CNTNAP5: variants seen among roughly 807,000 people sequenced by gnomAD.
CNTNAP5 encodes contactin associated protein family member 5, also known as contactin-associated protein-like 5.
A neutral mutation model predicts 150.2 loss-of-function variants in CNTNAP5; 72 were observed. That is an observed-to-expected ratio of 0.48 (90% CI 0.40 to 0.58). The LOEUF is 0.58. Among genes scored for constraint, CNTNAP5 ranks in the 20% least tolerant of loss-of-function variants. The pLI, the probability that CNTNAP5 is intolerant of heterozygous loss-of-function variation, is 0.00. For synonymous variants in CNTNAP5, 672 were observed against 619.8 expected, an observed-to-expected ratio of 1.08 and a Z score of -1.25; for missense variants, 1,636 against 1,626.2, an observed-to-expected ratio of 1.01 and a Z score of -0.10.
At chr2:124,840,204 T>C (rs1007314858) in intron 19 of CNTNAP5, among the ~76,000 whole-genome samples, 1 of 152,078 alleles carries the variant, frequency 6.6e-6, no homozygotes, top group African/African-American at 2.4e-5. Context: ...TATTGGACTT[T>C]ACTGTGTTGA....
chr2:124,786,352 G>GAAGAAAGAAAGAAAGAAAGA (rs1207108942), intron 17 of CNTNAP5, among the ~76,000 whole-genome samples: 9 of 59,218 alleles, frequency 1.5e-4, no homozygotes, highest in East Asian at 5.8e-4. Context: ...AGAAAGAAAG[G>GAAGAAAGAAAGAAAGAAAGA]AAGAAAGAAA....
intron 13 of CNTNAP5, among the ~76,000 whole-genome samples, chr2:124,722,473 G>T (rs1680068668): frequency 6.6e-6 from 1 of 152,128 alleles, no homozygotes; most frequent in Non-Finnish European, 1.5e-5. Flanking sequence ...GGTGTCATAG[G>T]TCCCAAGCAA....
At chr2:124,815,948 A>G (rs1334944030) in intron 19 of CNTNAP5, among the ~76,000 whole-genome samples, 3 of 152,124 alleles carry the variant, frequency 2.0e-5, no homozygotes, top group Admixed American at 6.5e-5. Context: ...ACCACTATAA[A>G]CTTAAAATGA....
rs1041021933 is a variant in CNTNAP5, at chr2:124,412,331, T to C, written c.382-5112T>C. ...AAGGTAATTTACAGATTCAATGCCA[T>C]CCCCATAAAGCTACCTATGACTTTC... On this transcript the variant is annotated intron_variant, in intron 3 of 23. Coordinates refer to ENST00000682447, the MANE Select transcript of CNTNAP5 (RefSeq NM_001367498.1). Among the ~76,000 whole-genome samples, 675 of 148,742 alleles carry C rather than the reference T, an allele frequency of 4.5e-3. 2 individuals are homozygous for C. Among genetic ancestry groups the C allele is most frequent in the African/African-American group, 0.016 (645 of 41,130 alleles).
intron 10 of CNTNAP5, among the ~76,000 whole-genome samples, chr2:124,562,268 G>C (rs1290840207): frequency 1.3e-5 from 2 of 152,022 alleles, no homozygotes; most frequent in Non-Finnish European, 2.9e-5. Context: ...TTCATGCTTC[G>C]TATCTTAAAC....
At chr2:124,109,315 TC>T (rs1451278359) in intron 1 of CNTNAP5, among the ~76,000 whole-genome samples, 1 of 152,014 alleles carries the variant, frequency 6.6e-6, no homozygotes, top group East Asian at 1.9e-4. Context: ...AGCCCTCACC[TC>T]ACACAGTGAT....
At chr2:124,874,873 A>G (rs1222606545) in intron 21 of CNTNAP5, among the ~76,000 whole-genome samples, 2 of 151,988 alleles carry the variant, frequency 1.3e-5, no homozygotes, top group African/African-American at 4.8e-5. Context: ...TGCCAGTTTG[A>G]TAGGCCTAAG....
At chr2:124,262,442 T>G (rs1351331123) in intron 3 of CNTNAP5, among the ~76,000 whole-genome samples, 4 of 152,180 alleles carry the variant, frequency 2.6e-5, no homozygotes, top group African/African-American at 9.7e-5. Flanking sequence ...AGCGTCATCT[T>G]TGCTAACATT....
intron 18 of CNTNAP5, among the ~76,000 whole-genome samples, chr2:124,796,070 AAAG>A (rs1391327348): frequency 6.6e-6 from 1 of 152,184 alleles, no homozygotes; most frequent in African/African-American, 2.4e-5. Context: ...CAAGAAACTG[AAAG>A]AATAATAGAG....
At chr2:124,865,962 A>G (rs183654209) in intron 20 of CNTNAP5, among the ~76,000 whole-genome samples, 95 of 151,270 alleles carry the variant, frequency 6.3e-4, no homozygotes, top group African/African-American at 2.2e-3. Context: ...ATTAAAAGAA[A>G]AAAAGAAATA....
chr2:124,427,309 T>C (rs1288636624), intron 4 of CNTNAP5, among the ~76,000 whole-genome samples: 1 of 152,154 alleles, frequency 6.6e-6, no homozygotes, highest in South Asian at 2.1e-4. Flanking sequence ...GCAAGTAATC[T>C]GATGCATTTT....
At chr2:124,502,762 C>T (rs1208400813) in intron 7 of CNTNAP5, among the ~76,000 whole-genome samples, 2 of 151,926 alleles carry the variant, frequency 1.3e-5, no homozygotes, top group Admixed American at 6.6e-5. Context: ...TGTGAGATAC[C>T]AAGAGCAAGT....
At chr2:124,585,526 G>C (rs1696508350) in intron 11 of CNTNAP5, among the ~76,000 whole-genome samples, 1 of 152,156 alleles carries the variant, frequency 6.6e-6, no homozygotes, top group Non-Finnish European at 1.5e-5. Flanking sequence ...TCTGTTCAAA[G>C]TGTGGTTACA....
chr2:124,693,806 A>G (rs900331932), intron 13 of CNTNAP5, among the ~76,000 whole-genome samples: 1 of 151,310 alleles, frequency 6.6e-6, no homozygotes, highest in Non-Finnish European at 1.5e-5. Flanking sequence ...AAAATAAAAC[A>G]AAAGAAAAAA....
chr2:124,106,207 T>TA (rs1683169193), intron 1 of CNTNAP5, among the ~76,000 whole-genome samples: 2 of 152,126 alleles, frequency 1.3e-5, no homozygotes, highest in South Asian at 2.1e-4. Context: ...CCACTTGTGA[T>TA]AAAAAATTAA....
intron 3 of CNTNAP5, among the ~76,000 whole-genome samples, chr2:124,249,718 G>A (rs890271305): frequency 6.6e-6 from 1 of 152,136 alleles, no homozygotes; most frequent in African/African-American, 2.4e-5. Flanking sequence ...GACCTCTGGA[G>A]GGCTGTGTCA....
chr2:124,822,072 G>A (rs1682502975), intron 19 of CNTNAP5, among the ~76,000 whole-genome samples: 1 of 151,726 alleles, frequency 6.6e-6, no homozygotes, highest in Admixed American at 6.6e-5. Flanking sequence ...ACATTACCCA[G>A]CCATTTAGTC....
chr2:124,042,454 G>T (rs1157079087), intron 1 of CNTNAP5, among the ~76,000 whole-genome samples: 1 of 152,258 alleles, frequency 6.6e-6, no homozygotes, highest in Non-Finnish European at 1.5e-5. Context: ...TGGCCTGGCT[G>T]TACTGTCCTC....
chr2:124,116,233 C>A (rs1157979188), intron 1 of CNTNAP5, among the ~76,000 whole-genome samples: 1 of 152,118 alleles, frequency 6.6e-6, no homozygotes. Context: ...CCACTTAGTA[C>A]AGAGATAAAG....
Sources: allele counts gnomAD v4.1 joint callset (sites outside exome capture counted in the v4.1 genomes callset), GRCh38; gene constraint gnomAD v4.1.1; transcripts MANE v1.5; gene names NCBI Gene and HGNC (gene_info 2026-07-23, HGNC 2026-07-21).